Variants in MTHFD2L observed in about 807,000 individuals in gnomAD.
MTHFD2L encodes the protein bifunctional methylenetetrahydrofolate dehydrogenase/cyclohydrolase 2, mitochondrial.
MTHFD2L carries 29 observed loss-of-function variants against 34.9 expected under a neutral mutation model. The observed-to-expected ratio is 0.83, with a 90% CI of 0.62 to 1.13. The LOEUF (loss-of-function observed/expected upper bound fraction) is 1.13. Among genes scored for constraint, MTHFD2L ranks in the 50% most tolerant of loss-of-function variants. The pLI, the probability that MTHFD2L is intolerant of heterozygous loss-of-function variation, is 0.00. For synonymous variants in MTHFD2L, 167 were observed against 155.7 expected, an observed-to-expected ratio of 1.07 and a Z score of -0.54; for missense variants, 481 against 446.5, an observed-to-expected ratio of 1.08 and a Z score of -0.70.
chr4:74,193,536 C>G (rs1192894903), intron 3 of MTHFD2L, among the ~76,000 whole-genome samples: 2 of 152,166 alleles, frequency 1.3e-5, no homozygotes, highest in Non-Finnish European at 2.9e-5. Context: ...GAATTGACAT[C>G]TTACCATCAT....
chr4:74,270,760 T>C (rs2110246024), intron 6 of MTHFD2L, among the ~76,000 whole-genome samples: 1 of 152,312 alleles, frequency 6.6e-6, no homozygotes, highest in Non-Finnish European at 1.5e-5. Flanking sequence ...TCTTCCACAG[T>C]GGTTGAACTA....
At chr4:74,274,233 A>C (rs1424521660) in intron 6 of MTHFD2L, among the ~76,000 whole-genome samples, 1 of 152,172 alleles carries the variant, frequency 6.6e-6, no homozygotes, top group Non-Finnish European at 1.5e-5. Flanking sequence ...GAGATACAAA[A>C]AAATGATAGG....
intron 6 of MTHFD2L, among the ~76,000 whole-genome samples, chr4:74,277,148 A>G (rs1414077633): frequency 8.0e-6 from 1 of 125,348 alleles, no homozygotes; most frequent in Admixed American, 8.7e-5. Context: ...AAATCAGCCA[A>G]AGCAGATTTT....
chr4:74,224,053 T>A (rs1016852576), intron 5 of MTHFD2L: 3 of 152,102 alleles, frequency 2.0e-5, no homozygotes, highest in African/African-American at 7.2e-5. Flanking sequence ...TACAGGACAC[T>A]TCTGCTGGGG....
intron 3 of MTHFD2L, among the ~76,000 whole-genome samples, chr4:74,184,461 CA>C: frequency 1.3e-5 from 2 of 152,104 alleles, no homozygotes; most frequent in East Asian, 3.9e-4. Flanking sequence ...GTTGGTTTAT[CA>C]AAAGTAAATA....
chr4:74,145,191 T>C (rs1723520192), intron 1 of MTHFD2L, among the ~76,000 whole-genome samples: 1 of 151,712 alleles, frequency 6.6e-6, no homozygotes, highest in Non-Finnish European at 1.5e-5. Flanking sequence ...AATCATTCTG[T>C]ATTTGCAGGT....
chr4:74,206,466 G>A (rs763245858), intron 5 of MTHFD2L, among the ~76,000 whole-genome samples: 13 of 152,134 alleles, frequency 8.5e-5, no homozygotes, highest in East Asian at 5.8e-4. Context: ...CACATAATTA[G>A]ATACTAGCAT....
chr4:74,261,330 A>G (rs1256858929), intron 6 of MTHFD2L, among the ~76,000 whole-genome samples: 1 of 152,042 alleles, frequency 6.6e-6, no homozygotes, highest in Non-Finnish European at 1.5e-5. Context: ...ATCTACAGAT[A>G]TCAATAATAT....
At chr4:74,171,468 C>T (rs137856619) in intron 1 of MTHFD2L, among the ~76,000 whole-genome samples, 3 of 152,132 alleles carry the variant, frequency 2.0e-5, no homozygotes, top group Admixed American at 6.5e-5. Context: ...CATACACTTA[C>T]GATGTGACCT....
chr4:74,285,306 G>A (rs1748027673), intron 7 of MTHFD2L, among the ~76,000 whole-genome samples: 1 of 151,714 alleles, frequency 6.6e-6, no homozygotes, highest in African/African-American at 2.4e-5. Flanking sequence ...AAGACTGCAC[G>A]TTGAGCACAT....
In MTHFD2L at chr4:74,281,324, CGTGT is replaced by C. The variant is rs3832298; in HGVS notation, c.806-78_806-75del. On this transcript the variant is annotated intron_variant, in intron 6 of 7. Transcript: ENST00000325278. The stretch of plus-strand genomic sequence containing the variant: ...TTTAAGGAACAATGTATTACACATA[CGTGT>C]GTGTGTGTGTGTGTGTGTGTGTATT... 1,343 of 859,654 alleles carry C rather than the reference CGTGT, an allele frequency of 1.6e-3. 2 individuals carry two copies. Among genetic ancestry groups the C allele is most frequent in the South Asian group, 3.6e-3 (189 of 52,612 alleles). 53.3% of individuals were successfully genotyped at this position (859,654 alleles called of 1,614,324 possible). A position where few individuals can be genotyped will look rare whatever the true frequency, so the allele number is the denominator to read the frequency against.
chr4:74,288,423 G>C (rs768339033), intron 7 of MTHFD2L: 1 of 152,164 alleles, frequency 6.6e-6, no homozygotes, highest in African/African-American at 2.4e-5. Context: ...TGGAGTACAA[G>C]GGATGTGGAA....
intron 5 of MTHFD2L, among the ~76,000 whole-genome samples, chr4:74,221,845 A>C (rs1201117318): frequency 6.6e-6 from 1 of 151,522 alleles, no homozygotes; most frequent in African/African-American, 2.4e-5. Flanking sequence ...ATATTTAAGA[A>C]GGTTTTTATT....
At chr4:74,254,587 CAA>C (rs11379406) in intron 6 of MTHFD2L, among the ~76,000 whole-genome samples, 1 of 142,870 alleles carries the variant, frequency 7.0e-6, no homozygotes, top group Admixed American at 7.0e-5. Flanking sequence ...CCCCCACCTC[CAA>C]AAAAAAAAAA....
intron 7 of MTHFD2L, among the ~76,000 whole-genome samples, chr4:74,299,386 T>TAGCAGCAGC (rs1029806642): frequency 2.0e-5 from 3 of 151,234 alleles, no homozygotes; most frequent in African/African-American, 7.3e-5. Flanking sequence ...TAAGTAGTAG[T>TAGCAGCAGC]AGCAGCAGCA....
chr4:74,172,053 T>C (rs1488958089), intron 1 of MTHFD2L, among the ~76,000 whole-genome samples: 2 of 152,084 alleles, frequency 1.3e-5, no homozygotes, highest in African/African-American at 4.8e-5. Flanking sequence ...TGAGTGGAAA[T>C]AGCTGGCCAA....
chr4:74,158,050 C>T (rs915862386), upstream of MTHFD2L: 88 of 1,521,944 alleles, frequency 5.8e-5, no homozygotes, highest in Non-Finnish European at 7.7e-5. Context: ...GCCCTGCCAG[C>T]CCGGGTGAGG....
upstream of MTHFD2L, among the ~76,000 whole-genome samples, chr4:74,120,852 C>A (rs1221555428): frequency 6.6e-6 from 1 of 152,162 alleles, no homozygotes. Context: ...AAAACAGACA[C>A]CACTGGCAGC....
At chr4:74,133,700 G>C (rs549761461) in intron 1 of MTHFD2L, among the ~76,000 whole-genome samples, 1 of 152,154 alleles carries the variant, frequency 6.6e-6, no homozygotes, top group African/African-American at 2.4e-5. Flanking sequence ...AAATTTCTCT[G>C]ATAAGTATCT....
Sources: allele counts gnomAD v4.1 joint callset (sites outside exome capture counted in the v4.1 genomes callset), GRCh38; gene constraint gnomAD v4.1.1; transcripts MANE v1.5; gene names NCBI Gene and HGNC (gene_info 2026-07-23, HGNC 2026-07-21).